The following CD160 variants were observed in gnomAD, a reference collection of about 807,000 sequenced individuals.
The protein encoded by CD160 is CD160 antigen.
CD160 carries 11 observed loss-of-function variants against 19.2 expected under a neutral mutation model. The ratio of observed to expected loss-of-function variants is 0.57; its 90% CI spans 0.36 to 0.95. CD160 has a LOEUF of 0.95. Among genes scored for constraint, CD160 ranks in the 40% least tolerant of loss-of-function variants. CD160 has a pLI of 0.01. For synonymous variants in CD160, 75 were observed against 81.1 expected (o/e 0.93, Z 0.40); for missense variants, 182 against 213.2 (o/e 0.85, Z 0.91).
intron 1 of CD160, 84 bp from the exon 2 acceptor site, chr1:145,724,717 A>G (rs1238559701): frequency 2.0e-5 from 3 of 152,096 alleles, no homozygotes; most frequent in Admixed American, 2.0e-4. Flanking sequence ...TCCATTTGTC[A>G]TGGTGTATTA....
At chr1:145,737,538 A>AT (rs1284650409) in intron 5 of CD160, 2 of 152,228 alleles carry the variant, frequency 1.3e-5, no homozygotes, top group Non-Finnish European at 2.9e-5. Flanking sequence ...GATCTTCCAA[A>AT]TTTAAGCCTA....
At chr1:145,731,877 TAAA>T (rs1657309418) in intron 4 of CD160, among the ~76,000 whole-genome samples, 1 of 151,820 alleles carries the variant, frequency 6.6e-6, no homozygotes, top group Admixed American at 6.6e-5. Flanking sequence ...GAGGAAAAAA[TAAA>T]AAAGTACAGC....
At chr1:145,731,509 A>G (rs1438538118) in intron 4 of CD160, among the ~76,000 whole-genome samples, 5 of 152,164 alleles carry the variant, frequency 3.3e-5, no homozygotes, top group Non-Finnish European at 7.3e-5. Context: ...TGTCTCTACT[A>G]AAAATACAAA....
At chr1:145,731,943 C>T (rs370752029) in intron 4 of CD160, among the ~76,000 whole-genome samples, 11 of 152,280 alleles carry the variant, frequency 7.2e-5, no homozygotes, top group Middle Eastern at 3.4e-3. Flanking sequence ...GGGGACAGGA[C>T]GCAAAACAGT....
chr1:145,735,891 G>A (rs180954193), intron 4 of CD160, 106 bp from the exon 5 acceptor site: 9 of 789,176 alleles, frequency 1.1e-5, no homozygotes, highest in Non-Finnish European at 1.5e-5. Context: ...AATTACAGAG[G>A]GAGGAATCCT....
chr1:145,733,574 TGTTTA>T (rs1311583621), intron 4 of CD160, among the ~76,000 whole-genome samples: 3 of 152,172 alleles, frequency 2.0e-5, no homozygotes, highest in Admixed American at 2.0e-4. Flanking sequence ...ATTTTCAACT[TGTTTA>T]GTTTGACTGA....
At position 145,721,218 on chromosome 1, in the gene CD160, T is replaced by C. The variant is rs587748740; in HGVS notation, c.-179+1659T>C. Among the ~76,000 whole-genome samples, 20 of 152,244 alleles carry C rather than the reference T, an allele frequency of 1.3e-4. 1 individual carries two copies. The South Asian group carries it at 4.1e-3, about 32-fold the overall frequency. Reference sequence around the variant, plus strand: ...CACCCCCTCATCTCCCCTCCTAGTTTAGACTTTCCCTGGCTAGCCCCCATG... The same window carrying C: ...CACCCCCTCATCTCCCCTCCTAGTTCAGACTTTCCCTGGCTAGCCCCCATG... On this transcript the variant is annotated intron_variant, in intron 1 of 5. Coordinates refer to ENST00000369288, the MANE Select transcript of CD160 (RefSeq NM_007053.4).
rs782320971 is a variant in CD160, at chr1:145,728,309, C to G, written c.-19C>G. The G allele has an allele frequency of 1.9e-6, 3 of 1,602,188 alleles. No individual in the cohort carries two copies. Among genetic ancestry groups the G allele is most frequent in the Non-Finnish European group, 2.6e-6 (3 of 1,171,300 alleles). On this transcript the variant is annotated 5_prime_UTR_variant, in exon 3 of 6. Transcript: ENST00000369288. ...CCAACATTTGCTTCAAGTTCCTGGG[C>G]CTGCTGACAGCGTGCAGGATGCTGT...
Position 145,720,356 on chromosome 1 carries a change from C to T in CD160, c.-179+797C>T, listed in dbSNP as rs1553707642. Reference sequence around the variant, plus strand: ...TGTTCTGAGAAGGGACTCCATATGCCTTCCCAGACCACCAAAGAGGTCCAT... The same window carrying T: ...TGTTCTGAGAAGGGACTCCATATGCTTTCCCAGACCACCAAAGAGGTCCAT... On this transcript the variant is annotated intron_variant, in intron 1 of 5. Coordinates refer to ENST00000369288, the MANE Select transcript of CD160 (RefSeq NM_007053.4). Among the ~76,000 whole-genome samples, 3 of 152,120 alleles carry T rather than the reference C, an allele frequency of 2.0e-5. 1 individual carries two copies. Among genetic ancestry groups the T allele is most frequent in the East Asian group, 1.9e-4 (1 of 5,192 alleles).
At chr1:145,732,381 A>T (rs1480517107) in intron 4 of CD160, among the ~76,000 whole-genome samples, 1 of 152,182 alleles carries the variant, frequency 6.6e-6, no homozygotes, top group African/African-American at 2.4e-5. Flanking sequence ...GGAAACAAGG[A>T]GTCTAACAAG....
chr1:145,736,574 G>C (rs1193275012), intron 5 of CD160: 6 of 197,162 alleles, frequency 3.0e-5, no homozygotes, highest in African/African-American at 1.4e-4. Flanking sequence ...ACATGTAGCT[G>C]AGTCCTCTGA....
Position 145,738,504 on chromosome 1 carries a change from AAAAG to A in CD160, c.*15_*18del, listed in dbSNP as rs1553710567. 4.5e-6 allele frequency: 6 copies of A among 1,322,926 alleles called. No homozygotes were observed. Among genetic ancestry groups the A allele is most frequent in the Non-Finnish European group, 5.9e-6 (6 of 1,025,152 alleles). The allele number at this position is 1,322,926 out of a possible 1,614,324, so 81.9% of individuals were successfully genotyped here. On this transcript the variant is annotated 3_prime_UTR_variant, in exon 6 of 6. Coordinates refer to ENST00000369288, the MANE Select transcript of CD160 (RefSeq NM_007053.4). ...TCCACAGCTTTGTAAGCCTTGTGCCAAAAGAAACTTTTAAAACAGCTACAGCAAG... is the reference window on the plus strand; with the variant it reads ...TCCACAGCTTTGTAAGCCTTGTGCCAAAACTTTTAAAACAGCTACAGCAAG...
At chr1:145,724,394 TA>T (rs1656973817) in intron 1 of CD160, among the ~76,000 whole-genome samples, 1 of 152,222 alleles carries the variant, frequency 6.6e-6, no homozygotes, top group South Asian at 2.1e-4. Flanking sequence ...TGTCTAAATA[TA>T]ATGGCAAACA....
intron 1 of CD160, among the ~76,000 whole-genome samples, chr1:145,720,385 G>A (rs1553707648): frequency 1.3e-5 from 2 of 152,120 alleles, no homozygotes; most frequent in Non-Finnish European, 2.9e-5. Flanking sequence ...GGTCCATGGC[G>A]CCTTTATGTC....
intron 3 of CD160, among the ~76,000 whole-genome samples, chr1:145,729,160 G>T (rs142053188): frequency 1 from 152,158 of 152,324 alleles, 75,996 homozygotes; most frequent in African/African-American, 1. Context: ...ATTTTGGAGT[G>T]AATCAATGGC....
At chr1:145,723,826 C>T (rs1053496491) in intron 1 of CD160, among the ~76,000 whole-genome samples, 9 of 152,088 alleles carry the variant, frequency 5.9e-5, no homozygotes, top group South Asian at 2.1e-4. Flanking sequence ...TCAGGTGATC[C>T]GCACGCCTCC....
Position 145,730,918 on chromosome 1 carries a change from C to T in CD160, c.248C>T (p.Pro83Leu), listed in dbSNP as rs781867732. Residue 83 changes from proline (P) to leucine (L), a missense_variant, in exon 4 of 6, where the codon CCT becomes CTT. By Grantham distance (98) the Pro-to-Leu change is moderately conservative. Transcript: ENST00000369288. Reference sequence around the variant, plus strand: ...AAACAGCTGAGACTTAAAAGGGATCCTGGGATAGATGGTGTTGGTGAAATA... The same window carrying T: ...AAACAGCTGAGACTTAAAAGGGATCTTGGGATAGATGGTGTTGGTGAAATA... ...SLKQLRLKRD[P>L]GIDGVGEISS... 6.2e-7 allele frequency: 1 copy of T among 1,614,136 alleles called. No individual in the cohort carries two copies. Among genetic ancestry groups the T allele is most frequent in the East Asian group, 2.2e-5 (1 of 44,878 alleles).
chr1:145,727,277 T>C (rs1553708513), intron 2 of CD160, among the ~76,000 whole-genome samples: 2 of 152,058 alleles, frequency 1.3e-5, no homozygotes, highest in African/African-American at 2.4e-5. Context: ...CCCATATTTA[T>C]AGAAGTATCT....
At chr1:145,720,455 GC>G (rs1178526112) in intron 1 of CD160, among the ~76,000 whole-genome samples, 1 of 152,138 alleles carries the variant, frequency 6.6e-6, no homozygotes, top group East Asian at 1.9e-4. Context: ...AGCTTCAAGG[GC>G]CCCCCAGCCC....
Sources: gnomAD v4.1 joint callset for allele counts (sites outside exome capture counted in the v4.1 genomes callset) on GRCh38, gnomAD v4.1.1 for gene constraint, MANE v1.5 for transcripts, NCBI Gene and HGNC (gene_info 2026-07-23, HGNC 2026-07-21) for gene names.